SNX10: variants seen among roughly 807,000 people sequenced by gnomAD.
The protein encoded by SNX10 is sorting nexin 10.
Under a neutral mutation model 28.5 loss-of-function variants are expected in SNX10, and 25 were observed. The observed-to-expected ratio is 0.88, with a 90% CI of 0.64 to 1.22. SNX10 has a LOEUF of 1.22. SNX10 is among the 50% of genes most tolerant of loss of function. The probability of loss-of-function intolerance (pLI) is 0.00; values close to 1 mark genes in which losing one functional copy is unlikely to be tolerated. For missense variants in SNX10, 223 were observed against 242.6 expected (o/e 0.92, Z 0.54); for synonymous variants, 62 against 81.4 (o/e 0.76, Z 1.28).
intron 5 of SNX10, among the ~76,000 whole-genome samples, chr7:26,366,441 G>T (rs1789290991): frequency 6.6e-6 from 1 of 152,104 alleles, no homozygotes; most frequent in South Asian, 2.1e-4. Flanking sequence ...GAGACCAGAA[G>T]AACTGATTAG....
intron 1 of SNX10, among the ~76,000 whole-genome samples, chr7:26,323,263 A>G (rs1437656634): frequency 1.3e-5 from 2 of 152,036 alleles, no homozygotes; most frequent in African/African-American, 4.8e-5. Context: ...ACCAAACAAA[A>G]CAAAACAAAA....
chr7:26,366,015 A>G (rs116018664), intron 5 of SNX10, among the ~76,000 whole-genome samples: 197 of 152,324 alleles, frequency 1.3e-3, no homozygotes, highest in African/African-American at 4.5e-3. Flanking sequence ...TGCTATCTTC[A>G]TGTTGGCTGT....
chr7:26,371,334 T>C (rs1789523737), intron 5 of SNX10, among the ~76,000 whole-genome samples: 1 of 152,148 alleles, frequency 6.6e-6, no homozygotes, highest in Non-Finnish European at 1.5e-5. Context: ...CTTAAGTATA[T>C]AACTGTAAAG....
In SNX10 at chr7:26,291,947, G is replaced by A. The variant is rs953601387; in HGVS notation, c.-163G>A. On this transcript the variant is annotated 5_prime_UTR_variant, in exon 1 of 7. Coordinates refer to ENST00000338523, the MANE Select transcript of SNX10 (RefSeq NM_013322.3). The stretch of plus-strand genomic sequence containing the variant: ...TGCGCGGGGAGCGCGGGGAGCGCGG[G>A]GAGCGCGGGGCTGCGCTCGTGTGCG... 46 of 149,616 alleles carry A rather than the reference G, an allele frequency of 3.1e-4. No homozygotes were observed. Among genetic ancestry groups the A allele is most frequent in the African/African-American group, 9.7e-4 (40 of 41,132 alleles). 9.3% of individuals were successfully genotyped at this position (149,616 alleles called of 1,614,324 possible).
chr7:26,339,979 T>C (rs1485017114), intron 1 of SNX10, among the ~76,000 whole-genome samples: 1 of 151,688 alleles, frequency 6.6e-6, no homozygotes, highest in Non-Finnish European at 1.5e-5. Flanking sequence ...GCACCTGATC[T>C]AAAGATTTAG....
chr7:26,335,646 A>C (rs879557589), intron 1 of SNX10, among the ~76,000 whole-genome samples: 1 of 152,126 alleles, frequency 6.6e-6, no homozygotes, highest in Non-Finnish European at 1.5e-5. Context: ...GTGCAGAGCC[A>C]AGGGCATAGG....
chr7:26,344,867 AT>A (rs1156309124), intron 1 of SNX10, among the ~76,000 whole-genome samples: 1 of 152,132 alleles, frequency 6.6e-6, no homozygotes, highest in African/African-American at 2.4e-5. Flanking sequence ...AACAGCAGAA[AT>A]TTATTCTGTT....
At chr7:26,352,535 G>A (rs1220635137) in intron 2 of SNX10, among the ~76,000 whole-genome samples, 1 of 152,160 alleles carries the variant, frequency 6.6e-6, no homozygotes, top group Non-Finnish European at 1.5e-5. Context: ...TTAACTCATA[G>A]CCGAGCTATA....
chr7:26,350,579 G>C (rs1041073361), intron 2 of SNX10, among the ~76,000 whole-genome samples: 1 of 152,196 alleles, frequency 6.6e-6, no homozygotes, highest in East Asian at 1.9e-4. Flanking sequence ...CTGTGATGCT[G>C]GGTACTTTGA....
intron 1 of SNX10, among the ~76,000 whole-genome samples, chr7:26,318,571 A>G (rs938353695): frequency 6.6e-6 from 1 of 152,106 alleles, no homozygotes; most frequent in Non-Finnish European, 1.5e-5. Context: ...GGGCTCAAAC[A>G]GTCTTCCCAT....
chr7:26,359,952 G>A (rs895523710), intron 2 of SNX10, among the ~76,000 whole-genome samples: 3 of 151,896 alleles, frequency 2.0e-5, no homozygotes, highest in Non-Finnish European at 4.4e-5. Context: ...CACTGCGCCC[G>A]GCCTATTGTT....
At chr7:26,342,320 C>T (rs541292724) in intron 1 of SNX10, among the ~76,000 whole-genome samples, 1 of 152,166 alleles carries the variant, frequency 6.6e-6, no homozygotes, top group Admixed American at 6.5e-5. Flanking sequence ...AGCCACTGCG[C>T]CTGGCCTCAG....
chr7:26,299,658 T>C (rs968666490), intron 1 of SNX10, among the ~76,000 whole-genome samples: 2 of 152,058 alleles, frequency 1.3e-5, no homozygotes, highest in Admixed American at 6.5e-5. Context: ...ACTCGTGACC[T>C]CGTGATCTGC....
intron 1 of SNX10, among the ~76,000 whole-genome samples, chr7:26,318,692 G>T (rs1309598432): frequency 1.3e-5 from 2 of 152,114 alleles, no homozygotes; most frequent in African/African-American, 4.8e-5. Context: ...GGCTGCTTTC[G>T]AACTTGAGAC....
intron 3 of SNX10, among the ~76,000 whole-genome samples, chr7:26,363,193 C>A (rs1000378283): frequency 1.3e-5 from 2 of 152,144 alleles, no homozygotes; most frequent in African/African-American, 4.8e-5. Flanking sequence ...CTCCTTCCAG[C>A]GGGTTTTGCT....
At chr7:26,311,586 T>C (rs12700723) in intron 1 of SNX10, among the ~76,000 whole-genome samples, 8,045 of 152,260 alleles carry the variant, frequency 0.053, 283 homozygotes, top group East Asian at 0.2. Flanking sequence ...CTTCCATCTC[T>C]TCAAATTGAG....
chr7:26,318,189 A>G (rs924686361), intron 1 of SNX10, among the ~76,000 whole-genome samples: 3 of 152,172 alleles, frequency 2.0e-5, no homozygotes, highest in Non-Finnish European at 4.4e-5. Flanking sequence ...TTCCTGTACC[A>G]ATAGCCGTAC....
intron 2 of SNX10, among the ~76,000 whole-genome samples, chr7:26,358,635 C>T (rs776308350): frequency 1.5e-4 from 23 of 151,586 alleles, no homozygotes; most frequent in African/African-American, 4.4e-4. Flanking sequence ...CTACTGGGGG[C>T]GGGGTTGGCT....
chr7:26,293,423 C>G (rs995114160), intron 1 of SNX10, among the ~76,000 whole-genome samples: 37 of 152,110 alleles, frequency 2.4e-4, no homozygotes, highest in African/African-American at 8.7e-4. Flanking sequence ...CCAGGCAGGT[C>G]TGGAAGTCCT....
Sources: gnomAD v4.1 joint callset for allele counts (sites outside exome capture counted in the v4.1 genomes callset) on GRCh38, gnomAD v4.1.1 for gene constraint, MANE v1.5 for transcripts, NCBI Gene and HGNC (gene_info 2026-07-23, HGNC 2026-07-21) for gene names.